DSCAM: variants seen among roughly 807,000 people sequenced by gnomAD.
DSCAM encodes the protein DS cell adhesion molecule.
Under a neutral mutation model 217.7 loss-of-function variants are expected in DSCAM, and 47 were observed. That is an observed-to-expected ratio of 0.22 (90% CI 0.17 to 0.28). DSCAM has a LOEUF of 0.28. Ranked by LOEUF, DSCAM falls within the 10% of genes least tolerant of loss-of-function variation. The pLI is 1.00. For missense variants in DSCAM, 2,080 were observed against 2,618.3 expected, an observed-to-expected ratio of 0.79 and a Z score of 4.49; for synonymous variants, 1,056 against 1,015.3, an observed-to-expected ratio of 1.04 and a Z score of -0.76.
rs772446393 is a variant in DSCAM, at chr21:40,339,297, G to A, written c.1329C>T (p.Asp443=). Residue 443 remains aspartate (D), a synonymous_variant, in exon 7 of 33, where the codon GAC becomes GAT. Transcript: ENST00000400454. Reference sequence around the variant, plus strand: ...TGCCACCCTTGAGAATCGGGTCATCGTCCAGGGTCCACGTGATCGTGGGCA... The same window carrying A: ...TGCCACCCTTGAGAATCGGGTCATCATCCAGGGTCCACGTGATCGTGGGCA... The part of the protein sequence containing the change: ...TPLPTITWTL[D]DDPILKGGSH... 30 of 1,614,016 alleles carry A rather than the reference G, an allele frequency of 1.9e-5. No individual in the cohort carries two copies. The highest frequency in any genetic ancestry group is 2.5e-5 in the Non-Finnish European group (29 of 1,180,046).
At chr21:40,212,234 C>G (rs1002020612) in intron 11 of DSCAM, 6 of 154,328 alleles carry the variant, frequency 3.9e-5, no homozygotes, top group Non-Finnish European at 8.8e-5. Context: ...TCCCAAAGTG[C>G]TGGGATTATA....
intron 3 of DSCAM, among the ~76,000 whole-genome samples, chr21:40,432,192 G>A (rs758671645): frequency 8.9e-5 from 10 of 112,220 alleles, no homozygotes; most frequent in Non-Finnish European, 2.1e-4. Flanking sequence ...ATGAGACTCT[G>A]CCTCAAAAAT....
At chr21:40,048,437 T>C (rs879696337) in intron 30 of DSCAM, among the ~76,000 whole-genome samples, 1 of 152,142 alleles carries the variant, frequency 6.6e-6, no homozygotes, top group Non-Finnish European at 1.5e-5. Context: ...GACAGAGAAG[T>C]AATCAGTGCA....
chr21:40,503,060 T>C (rs1222849519), intron 3 of DSCAM, among the ~76,000 whole-genome samples: 2 of 152,204 alleles, frequency 1.3e-5, no homozygotes, highest in African/African-American at 4.8e-5. Flanking sequence ...TTTAAGGAAA[T>C]ATCTGCTACA....
At chr21:40,826,730 G>A (rs2091971806) in intron 1 of DSCAM, among the ~76,000 whole-genome samples, 1 of 152,206 alleles carries the variant, frequency 6.6e-6, no homozygotes, top group South Asian at 2.1e-4. Context: ...GCGATGCTCA[G>A]TTTGAATGAC....
At chr21:40,449,316 GT>G (rs907422373) in intron 3 of DSCAM, among the ~76,000 whole-genome samples, 3 of 152,120 alleles carry the variant, frequency 2.0e-5, no homozygotes, top group Admixed American at 2.0e-4. Flanking sequence ...GGCATCTTTG[GT>G]GGGGGAGCAT....
At chr21:40,475,687 C>T (rs370172228) in intron 3 of DSCAM, among the ~76,000 whole-genome samples, 38 of 152,114 alleles carry the variant, frequency 2.5e-4, no homozygotes, top group Non-Finnish European at 5.0e-4. Flanking sequence ...AAAAATTAGC[C>T]GGGCTTGGTG....
chr21:40,647,325 C>T (rs759473664), intron 3 of DSCAM, among the ~76,000 whole-genome samples: 5 of 152,174 alleles, frequency 3.3e-5, no homozygotes, highest in Non-Finnish European at 5.9e-5. Context: ...ACATTAAAAA[C>T]TCTTCTGTAA....
chr21:40,599,553 G>A (rs1168613785), intron 3 of DSCAM, among the ~76,000 whole-genome samples: 1 of 152,112 alleles, frequency 6.6e-6, no homozygotes, highest in Non-Finnish European at 1.5e-5. Context: ...AAAAGAGCTA[G>A]AGAAGCAAGA....
chr21:40,422,598 C>T (rs929850121), intron 3 of DSCAM, among the ~76,000 whole-genome samples: 10 of 152,092 alleles, frequency 6.6e-5, no homozygotes, highest in African/African-American at 1.2e-4. Flanking sequence ...GCCAAGATCG[C>T]GCCACTGCCC....
chr21:40,039,101 G>A (rs889051288), intron 32 of DSCAM, among the ~76,000 whole-genome samples: 22 of 151,878 alleles, frequency 1.4e-4, no homozygotes, highest in African/African-American at 5.3e-4. Context: ...GCACCAGAAT[G>A]GCACATGTAT....
Position 40,107,696 on chromosome 21 carries a change from G to A in DSCAM, c.3697-13822C>T, listed in dbSNP as rs545156880. ...GAACCTGGGTGCTCCCGTGTTGGAT[G>A]TATATATATTTAGGATAGTTAGATC... On this transcript the variant is annotated intron_variant, in intron 20 of 32. Transcript: ENST00000400454. 2.0e-5 allele frequency among the ~76,000 whole-genome samples: 3 copies of A among 152,188 alleles called. No homozygotes were observed. In the East Asian group the frequency reaches 5.8e-4, roughly 29 times the overall value.
intron 1 of DSCAM, among the ~76,000 whole-genome samples, chr21:40,833,841 G>A (rs1031859976): frequency 2.0e-5 from 3 of 152,086 alleles, no homozygotes; most frequent in African/African-American, 7.2e-5. Flanking sequence ...TCTCAACCTT[G>A]GCACAATGAA....
chr21:40,378,922 T>A (rs2074993436), intron 3 of DSCAM, among the ~76,000 whole-genome samples: 1 of 152,114 alleles, frequency 6.6e-6, no homozygotes, highest in African/African-American at 2.4e-5. Flanking sequence ...TAAACCTGAA[T>A]GCCAATCAAG....
At chr21:40,431,114 A>G (rs1013258981) in intron 3 of DSCAM, among the ~76,000 whole-genome samples, 1 of 152,256 alleles carries the variant, frequency 6.6e-6, no homozygotes, top group Non-Finnish European at 1.5e-5. Flanking sequence ...CCACATCTTC[A>G]TTATCTCTCA....
chr21:40,649,650 A>G (rs1176166047), intron 3 of DSCAM, among the ~76,000 whole-genome samples: 5 of 152,086 alleles, frequency 3.3e-5, no homozygotes, highest in African/African-American at 1.2e-4. Context: ...AAAACATGCC[A>G]AGGTAGTTCA....
chr21:40,459,306 T>C (rs968997364), intron 3 of DSCAM, among the ~76,000 whole-genome samples: 8 of 152,098 alleles, frequency 5.3e-5, no homozygotes, highest in Admixed American at 3.9e-4. Flanking sequence ...TGCTAGAACA[T>C]ACCATTCGAT....
chr21:40,039,448 G>A (rs2088701617), intron 32 of DSCAM, among the ~76,000 whole-genome samples: 1 of 152,008 alleles, frequency 6.6e-6, no homozygotes, highest in African/African-American at 2.4e-5. Context: ...AGTTGGTTTT[G>A]TTGTCACAAG....
intron 2 of DSCAM, among the ~76,000 whole-genome samples, chr21:40,706,602 A>G (rs1009281277): frequency 2.0e-5 from 3 of 152,214 alleles, no homozygotes; most frequent in Non-Finnish European, 4.4e-5. Context: ...GACCTGATAC[A>G]GAAGAGGATA....
Sources: gnomAD v4.1 joint callset for allele counts (sites outside exome capture counted in the v4.1 genomes callset) on GRCh38, gnomAD v4.1.1 for gene constraint, MANE v1.5 for transcripts, NCBI Gene and HGNC (gene_info 2026-07-23, HGNC 2026-07-21) for gene names.